The following RASAL2 variants were observed in gnomAD, a reference collection of about 807,000 sequenced individuals.
RASAL2 encodes RAS protein activator like 2.
RASAL2 carries 58 observed loss-of-function variants against 128.9 expected under a neutral mutation model. The ratio of observed to expected loss-of-function variants is 0.45; its 90% confidence interval spans 0.36 to 0.56. RASAL2 has a LOEUF of 0.56. RASAL2 is among the 20% of genes least tolerant of loss of function. RASAL2 has a pLI of 0.00. For missense variants in RASAL2, 1,360 were observed against 1,601.6 expected (o/e 0.85, Z 2.57); for synonymous variants, 561 against 580.8 (o/e 0.97, Z 0.49).
chr1:178,395,046 A>T (rs979571406), intron 4 of RASAL2, among the ~76,000 whole-genome samples: 8 of 151,946 alleles, frequency 5.3e-5, no homozygotes, highest in Non-Finnish European at 7.4e-5. Flanking sequence ...TCCAAGTTAA[A>T]CAAAGAGATA....
intron 3 of RASAL2, among the ~76,000 whole-genome samples, chr1:178,314,866 G>T (rs1668429137): frequency 6.7e-6 from 1 of 150,256 alleles, no homozygotes; most frequent in Admixed American, 6.6e-5. Context: ...GTATACATGT[G>T]CCATGCTGGT....
chr1:178,381,845 C>T (rs10913544), intron 3 of RASAL2, among the ~76,000 whole-genome samples: 16,155 of 151,892 alleles, frequency 0.11, 913 homozygotes, highest in Middle Eastern at 0.14. Flanking sequence ...AAATCAGTTA[C>T]AGAAAAGGTT....
chr1:178,241,507 G>A (rs1489847683), intron 1 of RASAL2, among the ~76,000 whole-genome samples: 5 of 152,146 alleles, frequency 3.3e-5, no homozygotes, highest in Non-Finnish European at 5.9e-5. Context: ...CTGTGGATTT[G>A]GAAATGGAGA....
chr1:178,465,303 T>TG (rs907560481), intron 15 of RASAL2, among the ~76,000 whole-genome samples: 3 of 152,186 alleles, frequency 2.0e-5, no homozygotes, highest in African/African-American at 7.2e-5. Context: ...CTTTTATAGT[T>TG]GGGGAAAAAG....
At chr1:178,126,040 C>G (rs958776428) in intron 1 of RASAL2, among the ~76,000 whole-genome samples, 7 of 152,198 alleles carry the variant, frequency 4.6e-5, no homozygotes, top group African/African-American at 1.7e-4. Flanking sequence ...TTTCTGGGTA[C>G]TCAGAACTTA....
At chr1:178,423,537 A>C (rs1320260098) in intron 5 of RASAL2, among the ~76,000 whole-genome samples, 1 of 152,172 alleles carries the variant, frequency 6.6e-6, no homozygotes, top group Non-Finnish European at 1.5e-5. Context: ...CCTAAGAGAT[A>C]GTCACTGTCA....
chr1:178,378,697 A>C (rs1212415724), intron 3 of RASAL2, among the ~76,000 whole-genome samples: 2 of 152,178 alleles, frequency 1.3e-5, no homozygotes, highest in Non-Finnish European at 2.9e-5. Context: ...TTAGTCAAAA[A>C]GGAAAACATA....
At chr1:178,344,194 G>A (rs1326861666) in intron 3 of RASAL2, among the ~76,000 whole-genome samples, 2 of 152,040 alleles carry the variant, frequency 1.3e-5, no homozygotes, top group Admixed American at 6.6e-5. Context: ...TTCAAAGAAG[G>A]TAAAGAGCTC....
At chr1:178,242,885 G>A (rs1032748688) in intron 1 of RASAL2, among the ~76,000 whole-genome samples, 1 of 151,670 alleles carries the variant, frequency 6.6e-6, no homozygotes, top group Non-Finnish European at 1.5e-5. Context: ...CTTTTATAAG[G>A]TTTTTTTCTT....
chr1:178,351,772 C>G (rs1557922371), intron 3 of RASAL2, among the ~76,000 whole-genome samples: 1 of 151,540 alleles, frequency 6.6e-6, no homozygotes, highest in African/African-American at 2.4e-5. Flanking sequence ...GGTAAATACT[C>G]CCATTCCAAA....
intron 15 of RASAL2, among the ~76,000 whole-genome samples, chr1:178,464,896 T>G (rs528434690): frequency 2.4e-4 from 35 of 148,356 alleles, no homozygotes; most frequent in African/African-American, 8.5e-4. Context: ...TATAAATGAC[T>G]GTTAAAAGGA....
chr1:178,363,290 G>C (rs1446028110), intron 3 of RASAL2, among the ~76,000 whole-genome samples: 1 of 152,024 alleles, frequency 6.6e-6, no homozygotes, highest in Non-Finnish European at 1.5e-5. Context: ...TCATATACCT[G>C]TTGGCCATTT....
chr1:178,156,083 G>C (rs544412933), intron 1 of RASAL2, among the ~76,000 whole-genome samples: 3 of 152,288 alleles, frequency 2.0e-5, no homozygotes, highest in South Asian at 4.1e-4. Flanking sequence ...CTGGGAGCTT[G>C]TAATTGCTAT....
chr1:178,470,661 G>C (rs1222714162), intron 17 of RASAL2: 6 of 1,360,848 alleles, frequency 4.4e-6, no homozygotes, highest in Non-Finnish European at 4.9e-6. Context: ...AGTTACTGTT[G>C]CAAGTGATAT....
At chr1:178,180,086 A>G (rs1170250440) in intron 1 of RASAL2, among the ~76,000 whole-genome samples, 1 of 152,158 alleles carries the variant, frequency 6.6e-6, no homozygotes, top group South Asian at 2.1e-4. Context: ...TCTCTAATCT[A>G]CAGTATAATC....
At chr1:178,274,289 A>G (rs1666394040) in intron 1 of RASAL2, among the ~76,000 whole-genome samples, 1 of 152,172 alleles carries the variant, frequency 6.6e-6, no homozygotes, top group Admixed American at 6.5e-5. Flanking sequence ...CACCCTCTCC[A>G]CAAAGAATCA....
At chr1:178,437,924 C>G (rs1676361637) in intron 5 of RASAL2, among the ~76,000 whole-genome samples, 1 of 150,612 alleles carries the variant, frequency 6.6e-6, no homozygotes, top group Admixed American at 6.6e-5. Context: ...ATTTTTTGTT[C>G]TTGCCCAATA....
intron 14 of RASAL2, among the ~76,000 whole-genome samples, chr1:178,458,917 T>C (rs1677979937): frequency 6.6e-6 from 1 of 152,240 alleles, no homozygotes; most frequent in Non-Finnish European, 1.5e-5. Context: ...TTCTTAATTT[T>C]TTTTCTTAAG....
rs115027798 is a variant in RASAL2, at chr1:178,097,463, A to G, written c.202+2769A>G. On this transcript the variant is annotated intron_variant, in intron 1 of 17. Coordinates refer to ENST00000367649, the MANE Select transcript of RASAL2 (RefSeq NM_170692.4). The stretch of plus-strand genomic sequence containing the variant: ...GGGAATTCTGGGGAGCAGTTTTATC[A>G]AAAGGTCAGTGAACTGAGTTTTCAA... Among the ~76,000 whole-genome samples the G allele has an allele frequency of 5.1e-3, 771 of 152,312 alleles. 4 individuals are homozygous for G. The highest frequency in any genetic ancestry group is 0.018 in the African/African-American group (740 of 41,554).
Sources: allele counts gnomAD v4.1 joint callset (sites outside exome capture counted in the v4.1 genomes callset), GRCh38; gene constraint gnomAD v4.1.1; transcripts MANE v1.5; gene names NCBI Gene and HGNC (gene_info 2026-07-23, HGNC 2026-07-21).